Variants in CCDC69 observed in about 807,000 individuals in gnomAD.
CCDC69 encodes coiled-coil domain-containing protein 69.
Under a neutral mutation model 40.3 loss-of-function variants are expected in CCDC69, and 38 were observed. That is an observed-to-expected ratio of 0.94 (90% CI 0.73 to 1.24). The LOEUF is 1.24. CCDC69 is among the 50% of genes most tolerant of loss of function. The pLI, the probability that CCDC69 is intolerant of heterozygous loss-of-function variation, is 0.00. For synonymous variants in CCDC69, 141 were observed against 138.9 expected (o/e 1.02, Z -0.11); for missense variants, 389 against 357.9 (o/e 1.09, Z -0.70).
intron 1 of CCDC69, among the ~76,000 whole-genome samples, chr5:151,221,531 C>A (rs1753135016): frequency 6.6e-6 from 1 of 152,214 alleles, no homozygotes; most frequent in East Asian, 1.9e-4. Context: ...TAAGCACCTG[C>A]TCCATGATCT....
chr5:151,223,846 C>A, intron 1 of CCDC69, 77 bp downstream of exon 1: 2 of 1,425,888 alleles, frequency 1.4e-6, no homozygotes, highest in South Asian at 2.4e-5. Context: ...GAGCCCGGGG[C>A]GCCGAGTCCT....
chr5:151,188,529 C>T (rs1486147620), intron 4 of CCDC69, among the ~76,000 whole-genome samples: 2 of 151,294 alleles, frequency 1.3e-5, no homozygotes, highest in South Asian at 2.1e-4. Context: ...GGCTTCAACC[C>T]GGGAGGCAGA....
chr5:151,208,589 C>T (rs141728085), intron 1 of CCDC69, among the ~76,000 whole-genome samples: 1,777 of 152,322 alleles, frequency 0.012, 12 homozygotes, highest in Non-Finnish European at 0.017. Flanking sequence ...TCCTCCCTTT[C>T]CAGGGAAGAG....
In CCDC69 at chr5:151,182,634, G is replaced by A; in HGVS notation, c.*803C>T. On this transcript the variant is annotated 3_prime_UTR_variant, in exon 9 of 9. Transcript: ENST00000355417. ...GGATGAGGTTCCAGCTCTGATAGAT[G>A]AATGGACTCACAACCACCAAGCTTG... 4.3e-6 allele frequency: 1 copy of A among 234,818 alleles called. No homozygotes were observed. The highest frequency in any genetic ancestry group is 8.6e-6 in the Non-Finnish European group (1 of 116,956). The allele number at this position is 234,818 out of a possible 1,614,324, so 14.5% of individuals were successfully genotyped here.
At chr5:151,214,914 C>T (rs1753015117) in intron 1 of CCDC69, among the ~76,000 whole-genome samples, 1 of 152,212 alleles carries the variant, frequency 6.6e-6, no homozygotes, top group Non-Finnish European at 1.5e-5. Context: ...GACACTGAGG[C>T]CTAGAGAAAG....
chr5:151,213,537 C>A (rs929311629), intron 1 of CCDC69, among the ~76,000 whole-genome samples: 2 of 152,138 alleles, frequency 1.3e-5, no homozygotes, highest in African/African-American at 2.4e-5. Flanking sequence ...TAGGCGTGAG[C>A]CACCATGCCC....
intron 4 of CCDC69, among the ~76,000 whole-genome samples, chr5:151,194,677 G>A (rs1348500008): frequency 6.6e-6 from 1 of 152,182 alleles, no homozygotes; most frequent in Non-Finnish European, 1.5e-5. Flanking sequence ...GGTGGATCAC[G>A]AGGTCAGGAG....
rs1387509868 is a variant in CCDC69, at chr5:151,184,387, C to T, written c.670G>A (p.Glu224Lys). 2 of 1,614,024 alleles carry T rather than the reference C, an allele frequency of 1.2e-6. No homozygotes were observed. Among genetic ancestry groups the T allele is most frequent in the Non-Finnish European group, 1.7e-6 (2 of 1,180,022 alleles). ...TTGCGGCTTCGGACATGGAGGTCCTCATTTTCCTGTTGCAGGGTCGTAATT... is the reference window on the plus strand; with the variant it reads ...TTGCGGCTTCGGACATGGAGGTCCTTATTTTCCTGTTGCAGGGTCGTAATT... ...EKITTLQQEN[E>K]DLHVRSRNQV... Residue 224 changes from glutamate (E) to lysine (K), a missense_variant, in exon 8 of 9, where the codon GAG (glutamate) becomes AAG (lysine). Physicochemically the swap from Glu to Lys is moderately conservative, Grantham distance 56. Transcript: ENST00000355417.
chr5:151,215,500 T>G (rs1228239921), intron 1 of CCDC69: 1 of 220,010 alleles, frequency 4.5e-6, no homozygotes, highest in South Asian at 3.9e-5. Flanking sequence ...TTGTTTGCTC[T>G]GGGCAGGGCA....
chr5:151,219,911 T>G (rs1753110982), intron 1 of CCDC69, among the ~76,000 whole-genome samples: 2 of 152,098 alleles, frequency 1.3e-5, no homozygotes, highest in African/African-American at 4.8e-5. Context: ...TGATAGGAAC[T>G]CACTACCCTT....
chr5:151,220,125 A>C (rs370854532), intron 1 of CCDC69, among the ~76,000 whole-genome samples: 4 of 152,148 alleles, frequency 2.6e-5, no homozygotes, highest in African/African-American at 9.7e-5. Context: ...TTCCAAGAAC[A>C]CTAATGTCCT....
chr5:151,183,723 G>T, intron 8 of CCDC69, 109 bp from the exon 9 acceptor site: 1 of 955,128 alleles, frequency 1.0e-6, no homozygotes, highest in Non-Finnish European at 1.6e-6. Context: ...CTGCTGCAGG[G>T]TCCCCACTGC....
chr5:151,224,061 C>G lies in CCDC69; in HGVS notation c.-91G>C. 8.5e-7 allele frequency: 1 copy of G among 1,177,028 alleles called. No individual in the cohort carries two copies. The highest frequency in any genetic ancestry group is 1.2e-6 in the Non-Finnish European group (1 of 859,778). The allele number at this position is 1,177,028 out of a possible 1,614,324, so 72.9% of individuals were successfully genotyped here. ...GGCCCCGCTGCCCGCTCCGCGCCCG[C>G]CGGCTGGGGCTGCCGGCGAGACCCT... On this transcript the variant is annotated 5_prime_UTR_variant, in exon 1 of 9. Coordinates refer to ENST00000355417, the MANE Select transcript of CCDC69 (RefSeq NM_015621.3).
intron 1 of CCDC69, among the ~76,000 whole-genome samples, chr5:151,213,296 G>T (rs1459849983): frequency 6.6e-6 from 1 of 152,144 alleles, no homozygotes; most frequent in Non-Finnish European, 1.5e-5. Context: ...GCCCAGGCTA[G>T]AGTGCAGTGG....
At chr5:151,219,577 G>A (rs28704103) in intron 1 of CCDC69, among the ~76,000 whole-genome samples, 25,562 of 151,900 alleles carry the variant, frequency 0.17, 2,255 homozygotes, top group Middle Eastern at 0.23. Flanking sequence ...AAATGCCCCC[G>A]GAAGAATATT....
chr5:151,193,342 C>CAAAA (rs35463341), intron 4 of CCDC69, among the ~76,000 whole-genome samples: 15 of 77,464 alleles, frequency 1.9e-4, no homozygotes, highest in Non-Finnish European at 3.2e-4. Context: ...CTCATTTCTA[C>CAAAA]AAAAAAAAAA....
chr5:151,201,404 C>T (rs1005170223), intron 3 of CCDC69, among the ~76,000 whole-genome samples, 178 bp downstream of exon 3: 2 of 152,154 alleles, frequency 1.3e-5, no homozygotes, highest in South Asian at 2.1e-4. Context: ...AACCAATGTG[C>T]CCAGCACACA....
intron 4 of CCDC69, among the ~76,000 whole-genome samples, chr5:151,189,392 AAG>A (rs771943240): frequency 1.1e-4 from 17 of 152,106 alleles, no homozygotes; most frequent in Admixed American, 6.5e-5. Context: ...GATGATAAGA[AAG>A]AGCCAGTGAA....
At chr5:151,212,935 G>T (rs747511133) in intron 1 of CCDC69, 2 of 455,258 alleles carry the variant, frequency 4.4e-6, no homozygotes, top group Non-Finnish European at 4.4e-6. Context: ...GGAAGTGAGC[G>T]CTCCATCATT....
Sources: gnomAD v4.1 joint callset for allele counts (sites outside exome capture counted in the v4.1 genomes callset) on GRCh38, gnomAD v4.1.1 for gene constraint, MANE v1.5 for transcripts, NCBI Gene and HGNC (gene_info 2026-07-23, HGNC 2026-07-21) for gene names.